TAF11: variants seen among roughly 807,000 people sequenced by gnomAD.
TAF11 encodes the protein TATA-box binding protein associated factor 11.
In TAF11, 10 loss-of-function variants were observed where a neutral mutation model predicts 23.0. That is an observed-to-expected ratio of 0.43 (90% confidence interval 0.27 to 0.74). TAF11 has a LOEUF of 0.74. Among genes scored for constraint, TAF11 ranks in the 30% least tolerant of loss-of-function variants. The pLI, the probability that TAF11 is intolerant of heterozygous loss-of-function variation, is 0.19. For missense variants in TAF11, 196 were observed against 261.7 expected, an observed-to-expected ratio of 0.75 and a Z score of 1.73; for synonymous variants, 85 against 95.8, an observed-to-expected ratio of 0.89 and a Z score of 0.66.
chr6:34,880,504 C>T lies in TAF11; in HGVS notation c.321-128G>A. The T allele has an allele frequency of 1.3e-6, 1 of 744,852 alleles. No homozygotes were observed. The highest frequency in any genetic ancestry group is 2.2e-6 in the Non-Finnish European group (1 of 463,496). The allele number at this position is 744,852 out of a possible 1,614,324, so 46.1% of individuals were successfully genotyped here. On this transcript the variant is annotated intron_variant, in intron 2 of 4. Coordinates refer to ENST00000361288, the MANE Select transcript of TAF11 (RefSeq NM_005643.4). This position sits in a 1 kb window ranked among gnomAD's most constrained non-coding sequence, Gnocchi z 4.8. ...GGGGTCAATGGCATTAGGCTTGGTG[C>T]CTTGAGGAATGAAGATAAAACACTT...
chr6:34,883,472 T>C (rs181046361), intron 1 of TAF11, among the ~76,000 whole-genome samples: 1 of 152,164 alleles, frequency 6.6e-6, no homozygotes, highest in Non-Finnish European at 1.5e-5. Context: ...TCTATAGATC[T>C]CTTTACTGCT....
chr6:34,887,199 G>A (rs1766541514), intron 1 of TAF11, among the ~76,000 whole-genome samples: 1 of 152,178 alleles, frequency 6.6e-6, no homozygotes, highest in African/African-American at 2.4e-5. Context: ...CTACTCGGGA[G>A]GCTGAAGCAG....
chr6:34,884,360 A>G (rs1766494280), intron 1 of TAF11, among the ~76,000 whole-genome samples: 1 of 152,184 alleles, frequency 6.6e-6, no homozygotes, highest in African/African-American at 2.4e-5. Flanking sequence ...TGGGAACTAA[A>G]TGATGACAGC....
intron 4 of TAF11, among the ~76,000 whole-genome samples, chr6:34,879,091 A>G (rs1354484102): frequency 1.3e-5 from 2 of 152,290 alleles, no homozygotes; most frequent in Middle Eastern, 3.4e-3. Context: ...TGTGGTCTCA[A>G]CTACTCAGAC....
chr6:34,887,218 C>T (rs1766542101), intron 1 of TAF11, among the ~76,000 whole-genome samples: 1 of 152,144 alleles, frequency 6.6e-6, no homozygotes. Flanking sequence ...AGGAGAATCG[C>T]GTGAACCCAG....
chr6:34,880,174 C>T lies in TAF11; in HGVS notation c.409-111G>A. 6.6e-7 allele frequency: 1 copy of T among 1,513,602 alleles called. No homozygotes were observed. The highest frequency in any genetic ancestry group is 9.1e-7 in the Non-Finnish European group (1 of 1,096,372). The allele number at this position is 1,513,602 out of a possible 1,614,324, so 93.8% of individuals were successfully genotyped here. A position where few individuals can be genotyped will look rare whatever the true frequency, so the allele number is the denominator to read the frequency against. The stretch of plus-strand genomic sequence containing the variant: ...AAGATAACTGAAGTGCATTTTTTTT[C>T]CCACCTAAATAATCCCCTGACTTGT... On this transcript the variant is annotated intron_variant, in intron 3 of 4. Transcript: ENST00000361288. The surrounding 1 kb of genome is among the most constrained non-coding windows in gnomAD (Gnocchi z 4.8).
intron 1 of TAF11, 133 bp from the exon 2 acceptor site, chr6:34,883,213 G>A: frequency 2.4e-6 from 2 of 827,186 alleles, no homozygotes; most frequent in South Asian, 1.8e-5. Context: ...GGCACTGACT[G>A]TACCATCAAG....
intron 1 of TAF11, among the ~76,000 whole-genome samples, chr6:34,886,257 C>G (rs1236155714): frequency 6.6e-6 from 1 of 151,726 alleles, no homozygotes; most frequent in Non-Finnish European, 1.5e-5. Flanking sequence ...CCACTGCACT[C>G]CAGGCTGGGT....
Position 34,886,948 on chromosome 6 carries a change from C to G in TAF11, c.171+839G>C, listed in dbSNP as rs529647250. Reference sequence around the variant, plus strand: ...AGAACGATGAGTTTCTGGTCCTGACCGATACTCAGCTAGGCAACACTGCTG... The same window carrying G: ...AGAACGATGAGTTTCTGGTCCTGACGGATACTCAGCTAGGCAACACTGCTG... On this transcript the variant is annotated intron_variant, in intron 1 of 4. Transcript: ENST00000361288. Among the ~76,000 whole-genome samples, 30 of 152,112 alleles carry G rather than the reference C, an allele frequency of 2.0e-4. No individual in the cohort carries two copies. The South Asian group carries it at 4.1e-3, about 21-fold the overall frequency.
At chr6:34,882,217 A>T (rs185869596) in intron 2 of TAF11, among the ~76,000 whole-genome samples, 1 of 151,562 alleles carries the variant, frequency 6.6e-6, no homozygotes. Context: ...AGGAGCCTGT[A>T]GTCCCAGCTA....
intron 1 of TAF11, among the ~76,000 whole-genome samples, chr6:34,887,153 T>A (rs955453717): frequency 6.6e-6 from 1 of 151,816 alleles, no homozygotes; most frequent in Admixed American, 6.6e-5. Flanking sequence ...AATACAAAAA[T>A]TAGCTGGGCA....
intron 1 of TAF11, among the ~76,000 whole-genome samples, chr6:34,884,769 A>G (rs4646925): frequency 0.13 from 20,428 of 152,146 alleles, 3,065 homozygotes; most frequent in African/African-American, 0.37. Context: ...TCTATCTTTG[A>G]CAATCTTTTC....
At chr6:34,886,982 G>A (rs1429278321) in intron 1 of TAF11, among the ~76,000 whole-genome samples, 1 of 152,030 alleles carries the variant, frequency 6.6e-6, no homozygotes, top group Non-Finnish European at 1.5e-5. Context: ...TGAACTCTCT[G>A]TAGCATAAAA....
At chr6:34,887,440 G>A (rs1766549206) in intron 1 of TAF11, among the ~76,000 whole-genome samples, 1 of 152,120 alleles carries the variant, frequency 6.6e-6, no homozygotes, top group African/African-American at 2.4e-5. Flanking sequence ...GGTGAAAGGG[G>A]TGCTACGAAT....
Position 34,880,436 on chromosome 6 carries a change from A to G in TAF11, c.321-60T>C. On this transcript the variant is annotated intron_variant, in intron 2 of 4. Coordinates refer to ENST00000361288, the MANE Select transcript of TAF11 (RefSeq NM_005643.4). The surrounding 1 kb of genome is among the most constrained non-coding windows in gnomAD (Gnocchi z 4.8). The stretch of plus-strand genomic sequence containing the variant: ...AAGAACGAATACTCAAGATATTATG[A>G]AGTCAATAAAAGTTTCAGACAATTC... 1.3e-6 allele frequency: 2 copies of G among 1,510,598 alleles called. No homozygotes were observed. The highest frequency in any genetic ancestry group is 1.8e-6 in the Non-Finnish European group (2 of 1,096,096). The allele number at this position is 1,510,598 out of a possible 1,614,324, so 93.6% of individuals were successfully genotyped here.
In TAF11 at chr6:34,884,346, T is replaced by C. The variant is rs1766494016; in HGVS notation, c.172-1266A>G. Among the ~76,000 whole-genome samples, 6 of 152,156 alleles carry C rather than the reference T, an allele frequency of 3.9e-5. No homozygotes were observed. The South Asian group carries it at 1.2e-3, about 32-fold the overall frequency. The stretch of plus-strand genomic sequence containing the variant: ...ACCAAATACTGCATGTTCTCACTAA[T>C]AAGTGGGAACTAAATGATGACAGCA... On this transcript the variant is annotated intron_variant, in intron 1 of 4. Coordinates refer to ENST00000361288, the MANE Select transcript of TAF11 (RefSeq NM_005643.4).
chr6:34,887,707 G>C, intron 1 of TAF11, 80 bp downstream of exon 1: 2 of 1,553,490 alleles, frequency 1.3e-6, no homozygotes, highest in Non-Finnish European at 1.8e-6. Context: ...ACTTGTTAGG[G>C]ACTAACCAGA....
chr6:34,881,395 G>A (rs1362559527), intron 2 of TAF11, among the ~76,000 whole-genome samples: 5 of 152,126 alleles, frequency 3.3e-5, no homozygotes, highest in East Asian at 3.8e-4. Context: ...TGAACTCTGC[G>A]TGGTGAGTTT....
At chr6:34,886,691 C>G (rs1766534199) in intron 1 of TAF11, among the ~76,000 whole-genome samples, 1 of 151,980 alleles carries the variant, frequency 6.6e-6, no homozygotes, top group African/African-American at 2.4e-5. Context: ...GTCTCAAACT[C>G]CTGACATCAG....
Sources: allele counts gnomAD v4.1 joint callset (sites outside exome capture counted in the v4.1 genomes callset), GRCh38; gene constraint gnomAD v4.1.1; non-coding constraint Gnocchi (gnomAD v3.1); transcripts MANE v1.5; gene names NCBI Gene and HGNC (gene_info 2026-07-23, HGNC 2026-07-21).